SHANK2: variants seen among roughly 807,000 people sequenced by gnomAD.
SHANK2 encodes the protein SH3 and multiple ankyrin repeat domains 2, also known as SH3 and multiple ankyrin repeat domains protein 2.
SHANK2 carries 43 observed loss-of-function variants against 133.7 expected under a neutral mutation model. That is an observed-to-expected ratio of 0.32 (90% CI 0.25 to 0.41). The LOEUF is 0.41. Among genes scored for constraint, SHANK2 ranks in the 10% least tolerant of loss-of-function variants. The pLI is 1.00. For synonymous variants in SHANK2, 1,017 were observed against 952.8 expected (o/e 1.07, Z -1.24); for missense variants, 1,994 against 2,235.8 (o/e 0.89, Z 2.18).
intron 2 of SHANK2, among the ~76,000 whole-genome samples, 194 bp from the exon 3 acceptor site, chr11:71,147,532 C>T (rs1231487400): frequency 3.3e-5 from 5 of 152,168 alleles, no homozygotes; most frequent in African/African-American, 7.2e-5. Context: ...AAGTCGGCAC[C>T]GCCTGCTCCT....
At chr11:70,944,648 T>C (rs1211936076) in intron 10 of SHANK2, among the ~76,000 whole-genome samples, 1 of 152,224 alleles carries the variant, frequency 6.6e-6, no homozygotes, top group Admixed American at 6.5e-5. Context: ...ATTCCCTGAG[T>C]TCTGAGCTTT....
chr11:70,714,612 A>T (rs992092362), intron 14 of SHANK2, among the ~76,000 whole-genome samples: 31 of 152,146 alleles, frequency 2.0e-4, no homozygotes, highest in African/African-American at 7.2e-4. Flanking sequence ...AGAGGACTCG[A>T]CCCAGGAGAA....
At chr11:71,059,987 G>C (rs1289981549) in intron 9 of SHANK2, among the ~76,000 whole-genome samples, 4 of 152,226 alleles carry the variant, frequency 2.6e-5, no homozygotes, top group Non-Finnish European at 1.5e-5. Context: ...ACCGTGCTGA[G>C]TGTTCTGTCC....
chr11:70,741,231 G>GCATCCATC (rs61208287), intron 14 of SHANK2, among the ~76,000 whole-genome samples: 3,266 of 143,288 alleles, frequency 0.023, 100 homozygotes, highest in African/African-American at 0.064. Context: ...ATTTAACCAT[G>GCATCCATC]CATCCATCCA....
intron 17 of SHANK2, among the ~76,000 whole-genome samples, chr11:70,589,049 C>T (rs2060289346): frequency 6.6e-6 from 1 of 152,212 alleles, no homozygotes; most frequent in Non-Finnish European, 1.5e-5. Context: ...GATCTCCTGA[C>T]CTCATGACCC....
chr11:70,712,876 G>A (rs1275519705), intron 14 of SHANK2, among the ~76,000 whole-genome samples: 3 of 152,198 alleles, frequency 2.0e-5, no homozygotes, highest in East Asian at 3.8e-4. Context: ...ACAAGCACCC[G>A]AGTCCATAGT....
intron 14 of SHANK2, among the ~76,000 whole-genome samples, chr11:70,789,357 T>G (rs557836093): frequency 1.4e-4 from 22 of 152,314 alleles, no homozygotes; most frequent in African/African-American, 5.3e-4. Flanking sequence ...CTGATCTAGA[T>G]CCTATGCTTA....
intron 17 of SHANK2, among the ~76,000 whole-genome samples, chr11:70,533,071 G>A (rs782538828): frequency 1.3e-5 from 2 of 152,182 alleles, no homozygotes; most frequent in Non-Finnish European, 2.9e-5. Context: ...GAAAGCAGAC[G>A]TTGCCGGAGG....
intron 3 of SHANK2, among the ~76,000 whole-genome samples, chr11:71,141,868 G>A (rs1952559849): frequency 6.6e-6 from 1 of 151,914 alleles, no homozygotes; most frequent in South Asian, 2.1e-4. Context: ...AGCCAACCTA[G>A]ACGAGACAGG....
In SHANK2 at chr11:70,539,179, G is replaced by A. The variant is rs76213548; in HGVS notation, c.2062-36248C>T. 1.6e-3 allele frequency among the ~76,000 whole-genome samples: 245 copies of A among 152,266 alleles called. 7 individuals are homozygous for A. The East Asian group carries it at 0.04, about 25-fold the overall frequency. ...GCCCATGCACACAGAGGGAGAGGCC[G>A]GATGGCAGAGCGTGCACGGCCGACC... is the stretch of plus-strand genomic sequence containing the variant. On this transcript the variant is annotated intron_variant, in intron 17 of 25. Coordinates refer to ENST00000601538, the MANE Select transcript of SHANK2 (RefSeq NM_012309.5).
At chr11:70,824,815 C>G (rs1452165915) in intron 11 of SHANK2, among the ~76,000 whole-genome samples, 1 of 152,108 alleles carries the variant, frequency 6.6e-6, no homozygotes, top group Non-Finnish European at 1.5e-5. Flanking sequence ...GGGGGCTGGG[C>G]GGGTGGATTA....
intron 10 of SHANK2, among the ~76,000 whole-genome samples, chr11:70,913,205 T>C (rs941203601): frequency 3.9e-5 from 6 of 152,104 alleles, no homozygotes; most frequent in Non-Finnish European, 8.8e-5. Context: ...TTAATCCCAG[T>C]GAGAAAGAAG....
chr11:71,252,426 T>G lies in SHANK2; in HGVS notation c.-114A>C, dbSNP rs1016794721. ...CTGCGTCCCCGGCCGCCGCCTCACCTGGCTCGGCGAGTCGGGGGCGGGTCC... is the reference window on the plus strand; with the variant it reads ...CTGCGTCCCCGGCCGCCGCCTCACCGGGCTCGGCGAGTCGGGGGCGGGTCC... On this transcript the variant is annotated splice_region_variant and 5_prime_UTR_variant, in exon 1 of 26. Transcript: ENST00000601538. The surrounding 1 kb of genome is among the most constrained non-coding windows in gnomAD (Gnocchi z 6.3). 17 of 151,780 alleles carry G rather than the reference T, an allele frequency of 1.1e-4. No homozygotes were observed. The highest frequency in any genetic ancestry group is 4.1e-4 in the African/African-American group (17 of 41,440). The allele number at this position is 151,780 out of a possible 1,614,324, so 9.4% of individuals were successfully genotyped here.
chr11:70,845,585 C>G (rs1056828624), intron 11 of SHANK2, among the ~76,000 whole-genome samples: 2 of 152,064 alleles, frequency 1.3e-5, no homozygotes, highest in Admixed American at 6.5e-5. Flanking sequence ...CTCCAAACCA[C>G]CCACAAAGAC....
intron 9 of SHANK2, among the ~76,000 whole-genome samples, chr11:71,069,643 C>T (rs1951117318): frequency 6.6e-6 from 1 of 152,104 alleles, no homozygotes; most frequent in African/African-American, 2.4e-5. Flanking sequence ...TTTAATTATC[C>T]CCACATTACA....
chr11:70,771,671 G>C (rs72933249), intron 14 of SHANK2, among the ~76,000 whole-genome samples: 30,497 of 151,984 alleles, frequency 0.2, 3,647 homozygotes, highest in African/African-American at 0.32. Context: ...GGCCCAGCGA[G>C]CTTCTGCCTC....
intron 2 of SHANK2, among the ~76,000 whole-genome samples, chr11:71,192,988 C>G (rs1953821809): frequency 6.6e-6 from 1 of 152,222 alleles, no homozygotes; most frequent in Admixed American, 6.5e-5. Context: ...GTACAGCTTA[C>G]TCTTCCTCCT....
At chr11:71,248,547 G>T (rs1227640644) in intron 1 of SHANK2, among the ~76,000 whole-genome samples, 1 of 152,206 alleles carries the variant, frequency 6.6e-6, no homozygotes, top group Non-Finnish European at 1.5e-5. Flanking sequence ...TAATGAATCG[G>T]AGCTGGCTCA....
chr11:71,212,639 T>C (rs1245943890), intron 2 of SHANK2, among the ~76,000 whole-genome samples: 1 of 151,922 alleles, frequency 6.6e-6, no homozygotes, highest in Non-Finnish European at 1.5e-5. Flanking sequence ...GAAGGATTTA[T>C]AGAAATGAGC....
Sources: allele counts gnomAD v4.1 joint callset (sites outside exome capture counted in the v4.1 genomes callset), GRCh38; gene constraint gnomAD v4.1.1; non-coding constraint Gnocchi (gnomAD v3.1); transcripts MANE v1.5; gene names NCBI Gene and HGNC (gene_info 2026-07-23, HGNC 2026-07-21).